Variants in GPHN observed in about 807,000 individuals in gnomAD.
GPHN encodes gephyrin.
GPHN carries 17 observed loss-of-function variants against 95.5 expected under a neutral mutation model. The observed-to-expected ratio is 0.18, with a 90% CI of 0.12 to 0.27. The LOEUF (loss-of-function observed/expected upper bound fraction) is 0.27. GPHN is among the 10% of genes least tolerant of loss of function. The pLI, the probability that GPHN is intolerant of heterozygous loss-of-function variation, is 1.00. For missense variants in GPHN, 660 were observed against 978.1 expected (o/e 0.67, Z 4.34); for synonymous variants, 320 against 322.5 (o/e 0.99, Z 0.08).
At chr14:67,114,925 T>C (rs1415882291) in intron 16 of GPHN, among the ~76,000 whole-genome samples, 1 of 152,192 alleles carries the variant, frequency 6.6e-6, no homozygotes. Flanking sequence ...GATGGTATTA[T>C]ATCATGAAAT....
chr14:66,631,238 G>A (rs1376263903), intron 1 of GPHN, among the ~76,000 whole-genome samples: 3 of 151,808 alleles, frequency 2.0e-5, no homozygotes, highest in Admixed American at 6.6e-5. Context: ...CAATAGAGAC[G>A]AGGTTTCACC....
the GPHN span, chr14:67,395,726 T>C: frequency 1.6e-6 from 1 of 632,984 alleles, no homozygotes; most frequent in Non-Finnish European, 2.8e-6. Context: ...CAGGTAGTCT[T>C]TAAAGATTCA....
chr14:66,865,463 G>A (rs1431855182), intron 4 of GPHN, among the ~76,000 whole-genome samples: 2 of 151,966 alleles, frequency 1.3e-5, no homozygotes, highest in Non-Finnish European at 2.9e-5. Context: ...TAGTCTCTGG[G>A]CAATTTGTGT....
chr14:67,312,661 C>G, the GPHN span: 2 of 1,612,648 alleles, frequency 1.2e-6, no homozygotes, highest in South Asian at 1.1e-5. Context: ...GGTGGCAGGC[C>G]TACAGGGAAG....
At chr14:67,698,241 T>A in the GPHN span, among the ~76,000 whole-genome samples, 4 of 152,354 alleles carry the variant, frequency 2.6e-5, no homozygotes, top group Admixed American at 2.0e-4. Flanking sequence ...TTGCATATAA[T>A]TTCAGGTGGT....
chr14:66,838,077 C>T (rs2061928054), intron 4 of GPHN, among the ~76,000 whole-genome samples: 1 of 152,026 alleles, frequency 6.6e-6, no homozygotes, highest in South Asian at 2.1e-4. Flanking sequence ...ATAAAAATAA[C>T]ATAGTGGTTA....
chr14:67,422,706 G>GAA, the GPHN span, among the ~76,000 whole-genome samples: 2 of 152,090 alleles, frequency 1.3e-5, no homozygotes, highest in South Asian at 4.1e-4. Context: ...GCAAGTAACT[G>GAA]AAAAGTCAAC....
the GPHN span, among the ~76,000 whole-genome samples, chr14:67,565,895 A>C: frequency 6.6e-6 from 1 of 152,140 alleles, no homozygotes; most frequent in South Asian, 2.1e-4. Flanking sequence ...TGAGGCAGGC[A>C]GATCACTTGA....
At chr14:67,412,099 C>A in the GPHN span, 1 of 1,480,706 alleles carries the variant, frequency 6.8e-7, no homozygotes, top group Non-Finnish European at 9.0e-7. Context: ...GGTGCGCCTT[C>A]CCCGCGCCTC....
chr14:67,522,332 G>T, the GPHN span, among the ~76,000 whole-genome samples: 2 of 152,154 alleles, frequency 1.3e-5, no homozygotes, highest in East Asian at 1.9e-4. Context: ...AAGAATTTCT[G>T]CCCTGGAGAT....
chr14:67,293,984 C>T, the GPHN span, among the ~76,000 whole-genome samples: 2 of 152,080 alleles, frequency 1.3e-5, no homozygotes, highest in Non-Finnish European at 2.9e-5. Context: ...AAAGAAACAA[C>T]TTAGCTTAAA....
chr14:66,852,076 A>G (rs2062606416), intron 4 of GPHN, among the ~76,000 whole-genome samples: 2 of 152,252 alleles, frequency 1.3e-5, no homozygotes, highest in African/African-American at 4.8e-5. Context: ...TGTGCAATAA[A>G]GAAAAATAAT....
chr14:66,571,870 T>C (rs1230782949), intron 1 of GPHN, among the ~76,000 whole-genome samples: 1 of 152,168 alleles, frequency 6.6e-6, no homozygotes, highest in Non-Finnish European at 1.5e-5. Context: ...AGGAAGCTTT[T>C]CCCCTAGGAT....
chr14:66,586,347 C>G (rs1171529849), intron 1 of GPHN, among the ~76,000 whole-genome samples: 1 of 152,142 alleles, frequency 6.6e-6, no homozygotes, highest in Non-Finnish European at 1.5e-5. Flanking sequence ...ATCCAGTTTA[C>G]CAGTCTGTGT....
intron 21 of GPHN, among the ~76,000 whole-genome samples, chr14:67,176,062 C>A (rs984263996): frequency 6.6e-6 from 1 of 152,098 alleles, no homozygotes; most frequent in Non-Finnish European, 1.5e-5. Context: ...TTTGAATACC[C>A]TTTATTGCTT....
intron 2 of GPHN, among the ~76,000 whole-genome samples, chr14:66,699,426 T>C (rs2068359841): frequency 6.6e-6 from 1 of 152,014 alleles, no homozygotes; most frequent in South Asian, 2.1e-4. Flanking sequence ...TTATATTAAA[T>C]ATGGTGATAG....
the GPHN span, among the ~76,000 whole-genome samples, chr14:67,665,259 C>CTTTTTT: frequency 7.9e-6 from 1 of 126,528 alleles, no homozygotes; most frequent in Non-Finnish European, 1.6e-5. Context: ...TCAGTTATAT[C>CTTTTTT]TTTTTTTTTT....
At chr14:67,571,869 A>T in the GPHN span, 3 of 1,613,284 alleles carry the variant, frequency 1.9e-6, no homozygotes, top group African/African-American at 2.7e-5. Context: ...CAGGAAGACC[A>T]GCGGACTAGG....
chr14:66,862,387 G>C (rs536332229), intron 4 of GPHN, among the ~76,000 whole-genome samples: 1 of 152,098 alleles, frequency 6.6e-6, no homozygotes, highest in South Asian at 2.1e-4. Flanking sequence ...CCAATTCCCT[G>C]CTGAATTCTA....
Sources: gnomAD v4.1 joint callset for allele counts (sites outside exome capture counted in the v4.1 genomes callset) on GRCh38, gnomAD v4.1.1 for gene constraint, MANE v1.5 for transcripts, NCBI Gene and HGNC (gene_info 2026-07-23, HGNC 2026-07-21) for gene names.